Variants in ECM2 observed in about 807,000 individuals in gnomAD.
ECM2 encodes the protein extracellular matrix protein 2, female organ and adipocyte specific.
In ECM2, 57 loss-of-function variants were observed where a neutral mutation model predicts 67.5. The ratio of observed to expected loss-of-function variants is 0.84; its 90% CI spans 0.68 to 1.05. The LOEUF (loss-of-function observed/expected upper bound fraction) is 1.05, where lower values mean the gene tolerates loss of function less well. Ranked by LOEUF, ECM2 falls within the 50% of genes least tolerant of loss-of-function variation. The pLI is 0.00. For missense variants in ECM2, 741 were observed against 822.8 expected (o/e 0.90, Z 1.22); for synonymous variants, 258 against 294.5 (o/e 0.88, Z 1.27).
In ECM2 at chr9:92,517,777, C is replaced by G. The variant is rs1220030082; in HGVS notation, c.391G>C (p.Val131Leu). 1 of 1,614,226 alleles carries G rather than the reference C, an allele frequency of 6.2e-7. No individual in the cohort carries two copies. The highest frequency in any genetic ancestry group is 1.3e-5 in the African/African-American group (1 of 75,058). Reference protein sequence around the residue: ...CTTCLCSDGRVLCDETMCHPQ... With the variant: ...CTTCLCSDGRLLCDETMCHPQ... ...TGGCACATGGTTTCATCACAAAGAA[C>G]TCTTCCATCTGAGCAGAGGCAGGTA... Residue 131 changes from valine (V) to leucine (L), a missense_variant, in exon 3 of 10, where the codon GTT (valine) becomes CTT (leucine). Val to Leu is a conservative substitution (Grantham distance 32). Transcript: ENST00000344604.
In ECM2 at chr9:92,513,971, G is replaced by A. The variant is rs566427334; in HGVS notation, c.1054+660C>T. Among the ~76,000 whole-genome samples the A allele has an allele frequency of 5.9e-5, 9 of 152,256 alleles. No homozygotes were observed. In the East Asian group the frequency reaches 7.7e-4, roughly 13 times the overall value. On this transcript the variant is annotated intron_variant, in intron 4 of 9. Transcript: ENST00000344604. ...GTAGGAAATCATCATTTGATTTGGAGGAGTTTGCTTTATACCTAACTGCTA... is the reference window on the plus strand; with the variant it reads ...GTAGGAAATCATCATTTGATTTGGAAGAGTTTGCTTTATACCTAACTGCTA...
chr9:92,522,661 ATAGGAAGTCTTGCTACTGG>A lies in ECM2; in HGVS notation c.187_205del (p.Pro63LeufsTer21), dbSNP rs760572204. On this transcript the variant is annotated frameshift_variant, in exon 2 of 10. Transcript: ENST00000344604. LOFTEE classifies it high-confidence loss of function. Reference sequence around the variant, plus strand: ...CTCCATGCTATAATCAAAGTTAACAATAGGAAGTCTTGCTACTGGTGTAAAAACTGTTGTTTGCTGAATT... The same window carrying A: ...CTCCATGCTATAATCAAAGTTAACAATGTAAAAACTGTTGTTTGCTGAATT... 3 of 1,614,158 alleles carry A rather than the reference ATAGGAAGTCTTGCTACTGG, an allele frequency of 1.9e-6. No individual in the cohort carries two copies. The Admixed American group carries it at 5.0e-5, about 27-fold the overall frequency.
intron 2 of ECM2, among the ~76,000 whole-genome samples, chr9:92,522,278 G>T (rs1237994526): frequency 5.3e-5 from 8 of 152,008 alleles, no homozygotes. Context: ...AGTAGAGACG[G>T]GGTTTCAACA....
chr9:92,526,284 C>T (rs115817777), intron 1 of ECM2, among the ~76,000 whole-genome samples: 5,580 of 152,182 alleles, frequency 0.037, 104 homozygotes, highest in Non-Finnish European at 0.043. Context: ...TACAAAATTA[C>T]GCTATAAAGA....
At chr9:92,524,960 G>A (rs1212214459) in intron 1 of ECM2, among the ~76,000 whole-genome samples, 1 of 152,158 alleles carries the variant, frequency 6.6e-6, no homozygotes, top group Non-Finnish European at 1.5e-5. Context: ...AGGCATTGAA[G>A]GATTAAGGGA....
chr9:92,538,990 T>C (rs1397731268), upstream of ECM2: 3 of 152,224 alleles, frequency 2.0e-5, no homozygotes, highest in South Asian at 2.1e-4. Context: ...GCTTTGTAGA[T>C]ATTAATACCC....
At chr9:92,545,748 C>T in the ECM2 span, among the ~76,000 whole-genome samples, 1 of 152,194 alleles carries the variant, frequency 6.6e-6, no homozygotes, top group African/African-American at 2.4e-5. Flanking sequence ...TTTGGAGAAC[C>T]TTTATGTCTA....
chr9:92,517,820 C>G lies in ECM2; in HGVS notation c.348G>C (p.Trp116Cys). The G allele has an allele frequency of 1.7e-5, 27 of 1,614,166 alleles. No homozygotes were observed. Among genetic ancestry groups the G allele is most frequent in the Non-Finnish European group, 2.2e-5 (26 of 1,180,034 alleles). Residue 116 changes from tryptophan to cysteine, a missense_variant, in exon 3 of 10, where the codon TGG (tryptophan) becomes TGC (cysteine). Coordinates refer to ENST00000344604, the MANE Select transcript of ECM2 (RefSeq NM_001393.4). ...GGCAGGTAGTGCAGGGCTCAGGCGA[C>G]CACACAGCTTTGTTGTACATGGTTA... is the stretch of plus-strand genomic sequence containing the variant. The part of the protein sequence containing the change: ...KGITMYNKAV[W>C]SPEPCTTCLC...
intron 1 of ECM2, among the ~76,000 whole-genome samples, chr9:92,526,001 T>C (rs1019235155): frequency 1.3e-5 from 2 of 152,170 alleles, no homozygotes; most frequent in Admixed American, 6.5e-5. Context: ...ACTATACTTT[T>C]TATCATTGTT....
At chr9:92,541,992 T>C in the ECM2 span, among the ~76,000 whole-genome samples, 1 of 152,074 alleles carries the variant, frequency 6.6e-6, no homozygotes, top group African/African-American at 2.4e-5. Context: ...TGGGGTTTCA[T>C]TATCTTGGCC....
chr9:92,554,236 T>G, the ECM2 span, among the ~76,000 whole-genome samples: 1 of 151,822 alleles, frequency 6.6e-6, no homozygotes, highest in African/African-American at 2.4e-5. Context: ...CAGGCTGGAG[T>G]GCAATGGCAC....
At position 92,522,884 on chromosome 9, in the gene ECM2, C is replaced by G. The variant is rs758283092; in HGVS notation, c.-18G>C. ...ATCTTCATGTTTGATTTTTTTCCAC[C>G]AGCCAATTTCTAGAATGAAACAATA... On this transcript the variant is annotated 5_prime_UTR_variant, in exon 2 of 10. Coordinates refer to ENST00000344604, the MANE Select transcript of ECM2 (RefSeq NM_001393.4). The G allele has an allele frequency of 8.2e-6, 13 of 1,578,924 alleles. No homozygotes were observed. Among genetic ancestry groups the G allele is most frequent in the African/African-American group, 1.4e-5 (1 of 73,470 alleles).
intron 2 of ECM2, among the ~76,000 whole-genome samples, chr9:92,520,734 A>G (rs1459078761): frequency 1.3e-5 from 2 of 152,222 alleles, no homozygotes. Context: ...GACAATATGG[A>G]TAAACAAATA....
At chr9:92,529,650 T>C (rs957472312) in intron 1 of ECM2, among the ~76,000 whole-genome samples, 3 of 152,128 alleles carry the variant, frequency 2.0e-5, no homozygotes, top group Non-Finnish European at 2.9e-5. Context: ...CATCAAGCCA[T>C]GAAAATACAT....
At chr9:92,505,716 A>G in intron 6 of ECM2, 26 bp from the exon 7 acceptor site, 4 of 1,513,000 alleles carry the variant, frequency 2.6e-6, no homozygotes, top group Non-Finnish European at 3.6e-6. Context: ...GTATTAGAAT[A>G]TTAGGATAAT....
chr9:92,498,240 G>A (rs572497629), intron 9 of ECM2, among the ~76,000 whole-genome samples: 1 of 151,996 alleles, frequency 6.6e-6, no homozygotes, highest in East Asian at 1.9e-4. Context: ...AATACTGGAA[G>A]GATAAACTAG....
intron 6 of ECM2, among the ~76,000 whole-genome samples, chr9:92,508,145 C>A (rs1847115896): frequency 6.6e-6 from 1 of 152,194 alleles, no homozygotes; most frequent in South Asian, 2.1e-4. Context: ...TCCTGGCAGC[C>A]AGCCTGACCA....
the ECM2 span, among the ~76,000 whole-genome samples, chr9:92,547,575 T>C: frequency 6.6e-6 from 1 of 152,194 alleles, no homozygotes; most frequent in Admixed American, 6.5e-5. Flanking sequence ...AGACCACATA[T>C]TGAATGATTT....
chr9:92,520,096 A>G (rs1334572962), intron 2 of ECM2, among the ~76,000 whole-genome samples: 1 of 127,194 alleles, frequency 7.9e-6, no homozygotes, highest in East Asian at 2.0e-4. Flanking sequence ...GGCTTGGACA[A>G]CATAATGGGA....
Sources: allele counts gnomAD v4.1 joint callset (sites outside exome capture counted in the v4.1 genomes callset), GRCh38; gene constraint gnomAD v4.1.1; transcripts MANE v1.5; gene names NCBI Gene and HGNC (gene_info 2026-07-23, HGNC 2026-07-21).